The following ARID3A variants were observed in gnomAD, a reference collection of about 807,000 sequenced individuals.
ARID3A encodes AT-rich interactive domain-containing protein 3A.
ARID3A carries 11 observed loss-of-function variants against 52.7 expected under a neutral mutation model. The ratio of observed to expected loss-of-function variants is 0.21; its 90% confidence interval spans 0.13 to 0.35. The LOEUF is 0.35. ARID3A is among the 10% of genes least tolerant of loss of function. ARID3A has a pLI of 1.00. For synonymous variants in ARID3A, 404 were observed against 359.4 expected, an observed-to-expected ratio of 1.12 and a Z score of -1.40; for missense variants, 721 against 838.5, an observed-to-expected ratio of 0.86 and a Z score of 1.73.
chr19:926,252 G>A (rs1228144094), intron 1 of ARID3A, among the ~76,000 whole-genome samples, 193 bp downstream of exon 1: 8 of 149,514 alleles, frequency 5.4e-5, no homozygotes, highest in Non-Finnish European at 1.2e-4. Flanking sequence ...TGCCGGGGTG[G>A]GCGCAGTGCG....
chr19:940,076 G>T (rs1011175518), intron 3 of ARID3A, among the ~76,000 whole-genome samples: 1 of 152,010 alleles, frequency 6.6e-6, no homozygotes, highest in African/African-American at 2.4e-5. Context: ...GGGGGAGGCT[G>T]CCAAGAGGAA....
At chr19:963,608 GC>G (rs1307281758) in intron 4 of ARID3A, among the ~76,000 whole-genome samples, 2 of 152,124 alleles carry the variant, frequency 1.3e-5, no homozygotes, top group African/African-American at 4.8e-5. Context: ...AGTCAGCCCA[GC>G]CGCCTCTTCT....
chr19:943,289 G>A (rs960817178), intron 3 of ARID3A, among the ~76,000 whole-genome samples: 1 of 150,764 alleles, frequency 6.6e-6, no homozygotes, highest in Non-Finnish European at 1.5e-5. Flanking sequence ...AAAAAAGGAC[G>A]GGCGCGCAGT....
At chr19:932,795 G>T in intron 3 of ARID3A, 53 bp downstream of exon 3, 2 of 1,543,190 alleles carry the variant, frequency 1.3e-6, no homozygotes, top group Non-Finnish European at 1.7e-6. Context: ...TGGGCCAGTG[G>T]GGCCCTTTGA....
At position 966,383 on chromosome 19, in the gene ARID3A, G is replaced by A. The variant is rs533626979; in HGVS notation, c.1199-189G>A. Reference sequence around the variant, plus strand: ...TAAGGCAGGAGAATCACTTGAACCCGGGAGGCAGAGGTTGCGGTGAGCTGA... The same window carrying A: ...TAAGGCAGGAGAATCACTTGAACCCAGGAGGCAGAGGTTGCGGTGAGCTGA... On this transcript the variant is annotated intron_variant, in intron 6 of 8. Coordinates refer to ENST00000263620, the MANE Select transcript of ARID3A (RefSeq NM_005224.3). 1.2e-4 allele frequency among the ~76,000 whole-genome samples: 18 copies of A among 151,006 alleles called. 1 individual carries two copies. In the South Asian group the frequency reaches 2.5e-3, roughly 21 times the overall value.
chr19:944,369 T>G lies in ARID3A; in HGVS notation c.693+11627T>G, dbSNP rs1285115661. Among the ~76,000 whole-genome samples, 4 of 151,880 alleles carry G rather than the reference T, an allele frequency of 2.6e-5. No homozygotes were observed. The highest frequency in any genetic ancestry group is 5.9e-5 in the Non-Finnish European group (4 of 67,992). On this transcript the variant is annotated intron_variant, in intron 3 of 8. Transcript: ENST00000263620. The surrounding 1 kb of genome is among the most constrained non-coding windows in gnomAD (Gnocchi z 5.9). ...GTGTGTCTGCGTGGGAGTGTCTGGC[T>G]GTGTGGCTGCACGGAGGCCTGTCTG...
intron 7 of ARID3A, 54 bp downstream of exon 7, chr19:966,922 G>A: frequency 6.5e-7 from 1 of 1,529,236 alleles, no homozygotes; most frequent in Non-Finnish European, 8.8e-7. Flanking sequence ...CACACAGTGA[G>A]GGCCTTGGAG....
At position 960,243 on chromosome 19, in the gene ARID3A, T is replaced by C; in HGVS notation, c.766+79T>C. ...GGAGGGGCCCTACTGGCTCCAGGTA[T>C]GTCGGGGCGGTGGTGAGCACCCCGT... On this transcript the variant is annotated intron_variant, in intron 4 of 8. Transcript: ENST00000263620. This position sits in a 1 kb window ranked among gnomAD's most constrained non-coding sequence, Gnocchi z 4.3. 7.2e-7 allele frequency: 1 copy of C among 1,381,264 alleles called. No homozygotes were observed. Among genetic ancestry groups the C allele is most frequent in the Non-Finnish European group, 1.0e-6 (1 of 1,004,588 alleles). The allele number at this position is 1,381,264 out of a possible 1,614,324, so 85.6% of individuals were successfully genotyped here.
chr19:939,070 A>G (rs2037492472), intron 3 of ARID3A, among the ~76,000 whole-genome samples: 1 of 151,010 alleles, frequency 6.6e-6, no homozygotes, highest in Admixed American at 6.6e-5. Context: ...AGCTGTGACT[A>G]CAGGCGCGTG....
At position 959,510 on chromosome 19, in the gene ARID3A, C is replaced by T. The variant is rs1417700381; in HGVS notation, c.694-582C>T. Among the ~76,000 whole-genome samples the T allele has an allele frequency of 1.3e-5, 2 of 152,126 alleles. No individual in the cohort carries two copies. Among genetic ancestry groups the T allele is most frequent in the Non-Finnish European group, 2.9e-5 (2 of 68,020 alleles). The stretch of plus-strand genomic sequence containing the variant: ...CAGGCTGGTCTTGAATTCCCGGGCT[C>T]AAGCGATTCACCCGCCTCCCAAGGT... On this transcript the variant is annotated intron_variant, in intron 3 of 8. Coordinates refer to ENST00000263620, the MANE Select transcript of ARID3A (RefSeq NM_005224.3). The surrounding 1 kb of genome is among the most constrained non-coding windows in gnomAD (Gnocchi z 5.0).
rs538093738 is a variant in ARID3A at position 938,133 on chromosome 19, C to G, written c.693+5391C>G. Among the ~76,000 whole-genome samples the G allele has an allele frequency of 6.6e-6, 1 of 151,538 alleles. No homozygotes were observed. Among genetic ancestry groups the G allele is most frequent in the Admixed American group, 6.6e-5 (1 of 15,202 alleles). On this transcript the variant is annotated intron_variant, in intron 3 of 8. Transcript: ENST00000263620. This position sits in a 1 kb window ranked among gnomAD's most constrained non-coding sequence, Gnocchi z 4.0. Reference sequence around the variant, plus strand: ...TGCTGGGATCACAGACGTGAGCCACCGCGCCCGGCCTGTTGTCGACTTTTG... The same window carrying G: ...TGCTGGGATCACAGACGTGAGCCACGGCGCCCGGCCTGTTGTCGACTTTTG...
intron 3 of ARID3A, among the ~76,000 whole-genome samples, chr19:946,372 C>T (rs2037680803): frequency 1.3e-5 from 2 of 151,718 alleles, no homozygotes; most frequent in Non-Finnish European, 2.9e-5. Context: ...AGCGATTCTC[C>T]TGCCTTAGCC....
rs968379660 is a variant in ARID3A, at chr19:959,823, G to A, written c.694-269G>A. Among the ~76,000 whole-genome samples, 1 of 152,160 alleles carries A rather than the reference G, an allele frequency of 6.6e-6. No individual in the cohort carries two copies. Among genetic ancestry groups the A allele is most frequent in the African/African-American group, 2.4e-5 (1 of 41,424 alleles). On this transcript the variant is annotated intron_variant, in intron 3 of 8. Coordinates refer to ENST00000263620, the MANE Select transcript of ARID3A (RefSeq NM_005224.3). This position sits in a 1 kb window ranked among gnomAD's most constrained non-coding sequence, Gnocchi z 5.0. ...TCTGGGGTTCCCGGGCCCCTGGACC[G>A]GGAGAGGACACTGTCTTGTCCCAGG...
At position 964,620 on chromosome 19, in the gene ARID3A, A is replaced by G. The variant is rs2038109091; in HGVS notation, c.950+189A>G. ...TCAAGTAGGGGTGCGAGGACCACACAGTCTCTGGGGTTGTGCAATCAGGGG... is the reference window on the plus strand; with the variant it reads ...TCAAGTAGGGGTGCGAGGACCACACGGTCTCTGGGGTTGTGCAATCAGGGG... On this transcript the variant is annotated intron_variant, in intron 5 of 8. Transcript: ENST00000263620. This position sits in a 1 kb window ranked among gnomAD's most constrained non-coding sequence, Gnocchi z 5.7. 6.6e-6 allele frequency among the ~76,000 whole-genome samples: 1 copy of G among 152,106 alleles called. No homozygotes were observed. The highest frequency in any genetic ancestry group is 2.4e-5 in the African/African-American group (1 of 41,408).
At chr19:955,265 C>G (rs1004650609) in intron 3 of ARID3A, among the ~76,000 whole-genome samples, 1 of 152,206 alleles carries the variant, frequency 6.6e-6, no homozygotes, top group Non-Finnish European at 1.5e-5. Context: ...GGGCGCCCCC[C>G]ACAGGGGAGC....
At chr19:969,608 A>AT (rs781311925) in intron 8 of ARID3A, among the ~76,000 whole-genome samples, 62 of 151,394 alleles carry the variant, frequency 4.1e-4, no homozygotes, top group Non-Finnish European at 8.2e-4. Context: ...ATATATATAG[A>AT]TTAGATATAG....
At position 929,874 on chromosome 19, in the gene ARID3A, G is replaced by A. The variant is rs1299010844; in HGVS notation, c.346G>A (p.Asp116Asn). 1 of 1,543,148 alleles carries A rather than the reference G, an allele frequency of 6.5e-7. No homozygotes were observed. Among genetic ancestry groups the A allele is most frequent in the African/African-American group, 1.4e-5 (1 of 73,158 alleles). ...REGPGEEHFE[D>N]MASDEDMKPK... ...AGGGCCAGGAGAGGAGCACTTTGAG[G>A]ACATGGCCTCCGACGAGGACATGTG... The change falls in exon 2 of 9, where the codon GAC becomes AAC. Residue 116 changes from aspartate to asparagine, a missense_variant. By Grantham distance (23) the Asp-to-Asn change is conservative. Transcript: ENST00000263620. The surrounding 1 kb of genome is among the most constrained non-coding windows in gnomAD (Gnocchi z 6.2).
intron 4 of ARID3A, among the ~76,000 whole-genome samples, chr19:962,136 A>T (rs1027720444): frequency 1.3e-5 from 2 of 152,132 alleles, no homozygotes; most frequent in East Asian, 1.9e-4. Flanking sequence ...CTGCTCTGTA[A>T]TGGGGGCCCT....
rs958328209 is a variant in ARID3A, at chr19:941,526, G to A, written c.693+8784G>A. Among the ~76,000 whole-genome samples, 24 of 152,214 alleles carry A rather than the reference G, an allele frequency of 1.6e-4. No individual in the cohort carries two copies. The highest frequency in any genetic ancestry group is 1.6e-3 in the Admixed American group (24 of 15,286). On this transcript the variant is annotated intron_variant, in intron 3 of 8. Transcript: ENST00000263620. The surrounding 1 kb of genome is among the most constrained non-coding windows in gnomAD (Gnocchi z 6.9). ...GGCAAACTTCCCACGTCCCTGTTTT[G>A]CGTGGACCTGTTGGTGAGTGTGTCC...
Sources: allele counts gnomAD v4.1 joint callset (sites outside exome capture counted in the v4.1 genomes callset), GRCh38; gene constraint gnomAD v4.1.1; non-coding constraint Gnocchi (gnomAD v3.1); transcripts MANE v1.5; gene names NCBI Gene and HGNC (gene_info 2026-07-23, HGNC 2026-07-21).